Variants in CAPN8 observed in about 807,000 individuals in gnomAD.
The protein encoded by CAPN8 is calpain-8.
In CAPN8, 87 loss-of-function variants were observed where a neutral mutation model predicts 80.9. The observed-to-expected ratio is 1.07, with a 90% CI of 0.90 to 1.28. The LOEUF is 1.28. Ranked by LOEUF, CAPN8 falls within the 50% of genes most tolerant of loss-of-function variation. The pLI, the probability that CAPN8 is intolerant of heterozygous loss-of-function variation, is 0.00. For synonymous variants in CAPN8, 299 were observed against 273.8 expected, an observed-to-expected ratio of 1.09 and a Z score of -0.91; for missense variants, 757 against 702.0, an observed-to-expected ratio of 1.08 and a Z score of -0.89.
rs190025969 is a variant in CAPN8 at position 223,548,264 on chromosome 1, A to G, written c.1764+1054T>C. Among the ~76,000 whole-genome samples the G allele has an allele frequency of 2.0e-5, 3 of 152,222 alleles. No homozygotes were observed. The South Asian group carries it at 6.2e-4, about 32-fold the overall frequency. On this transcript the variant is annotated intron_variant, in intron 16 of 20. Coordinates refer to ENST00000366872, the MANE Select transcript of CAPN8 (RefSeq NM_001143962.2). ...AATCACCTTCACCATCAGCACTGTGATAAATGGCAACCTGGACCCACTGTG... is the reference window on the plus strand; with the variant it reads ...AATCACCTTCACCATCAGCACTGTGGTAAATGGCAACCTGGACCCACTGTG...
intron 2 of CAPN8, among the ~76,000 whole-genome samples, chr1:223,650,311 C>A (rs1186743864): frequency 6.6e-6 from 1 of 152,048 alleles, no homozygotes; most frequent in Non-Finnish European, 1.5e-5. Flanking sequence ...ATGGCCATGC[C>A]CCCTTCTTTT....
At chr1:223,557,498 C>T (rs1656931651) in intron 13 of CAPN8, among the ~76,000 whole-genome samples, 1 of 152,124 alleles carries the variant, frequency 6.6e-6, no homozygotes, top group Non-Finnish European at 1.5e-5. Context: ...CAGCAGCACC[C>T]AATATACCCA....
intron 2 of CAPN8, among the ~76,000 whole-genome samples, chr1:223,632,371 T>A (rs1657796965): frequency 6.6e-6 from 1 of 152,010 alleles, no homozygotes; most frequent in Non-Finnish European, 1.5e-5. Flanking sequence ...AGCATAGGTT[T>A]TGTTTTGTTT....
chr1:223,645,266 C>A (rs1052297208), intron 2 of CAPN8, among the ~76,000 whole-genome samples: 6 of 152,208 alleles, frequency 3.9e-5, no homozygotes, highest in Non-Finnish European at 8.8e-5. Context: ...CCTGGCCACG[C>A]TGGCAGCTGA....
At chr1:223,634,468 T>A (rs1305658400) in intron 2 of CAPN8, among the ~76,000 whole-genome samples, 5 of 152,320 alleles carry the variant, frequency 3.3e-5, no homozygotes, top group Middle Eastern at 3.4e-3. Context: ...TATACCCACG[T>A]GCCATCCTAG....
At chr1:223,542,635 G>T (rs1656499364) in intron 20 of CAPN8, among the ~76,000 whole-genome samples, 1 of 152,090 alleles carries the variant, frequency 6.6e-6, no homozygotes. Flanking sequence ...GTCGTACAGG[G>T]GTGCAGTGTC....
chr1:223,620,541 T>C (rs1657356265), intron 7 of CAPN8, among the ~76,000 whole-genome samples: 1 of 152,126 alleles, frequency 6.6e-6, no homozygotes, highest in African/African-American at 2.4e-5. Flanking sequence ...TTTTACTCTC[T>C]AGGGCAAATT....
intron 9 of CAPN8, chr1:223,617,962 G>A (rs1270436643): frequency 2.8e-6 from 1 of 359,408 alleles, no homozygotes; most frequent in East Asian, 4.4e-5. Context: ...GGGTTGGATG[G>A]GTGATGAAAG....
intron 15 of CAPN8, 62 bp from the exon 16 acceptor site, chr1:223,549,444 C>T: frequency 1.3e-6 from 2 of 1,548,980 alleles, no homozygotes; most frequent in East Asian, 2.4e-5. Flanking sequence ...GGGAAAGAAC[C>T]TCCACGGTAG....
In CAPN8 at chr1:223,544,187, AG is replaced by A; in HGVS notation, c.1913-5del. The A allele has an allele frequency of 1.4e-6, 1 of 717,780 alleles. No individual in the cohort carries two copies. The allele number at this position is 717,780 out of a possible 1,614,324, so 44.5% of individuals were successfully genotyped here. A position where few individuals can be genotyped will look rare whatever the true frequency, so the allele number is the denominator to read the frequency against. On this transcript the variant is annotated splice_region_variant and splice_polypyrimidine_tract_variant and intron_variant, in intron 18 of 20. Coordinates refer to ENST00000366872, the MANE Select transcript of CAPN8 (RefSeq NM_001143962.2). The stretch of plus-strand genomic sequence containing the variant: ...ACCTGGCTGTTGAGGGTGAAACCTG[AG>A]GGCAGAGGGAGCCTGGGTCACAGGT...
At chr1:223,551,098 C>T in intron 14 of CAPN8, 81 bp from the exon 15 acceptor site, 1 of 688,710 alleles carries the variant, frequency 1.5e-6, no homozygotes, top group Admixed American at 2.2e-5. Context: ...AGTGCTTCCT[C>T]ACAGTCAGAC....
At chr1:223,634,104 A>G (rs1657849504) in intron 2 of CAPN8, among the ~76,000 whole-genome samples, 1 of 152,228 alleles carries the variant, frequency 6.6e-6, no homozygotes, top group South Asian at 2.1e-4. Context: ...GCACTTACAC[A>G]GAAGATGAGA....
intron 1 of CAPN8, 123 bp downstream of exon 1, chr1:223,665,287 G>C: frequency 1.4e-6 from 1 of 727,244 alleles, no homozygotes. Flanking sequence ...GTGGTGGAGG[G>C]ATCTGAAATA....
intron 13 of CAPN8, among the ~76,000 whole-genome samples, chr1:223,557,877 G>T (rs1656941471): frequency 6.6e-6 from 1 of 152,174 alleles, no homozygotes; most frequent in African/African-American, 2.4e-5. Flanking sequence ...TCTATCTGTG[G>T]GTCCTGCTTA....
intron 2 of CAPN8, among the ~76,000 whole-genome samples, chr1:223,646,015 G>A (rs2102729363): frequency 6.6e-6 from 1 of 152,296 alleles, no homozygotes; most frequent in South Asian, 2.1e-4. Flanking sequence ...CTATGGGGGA[G>A]CACTGTGGGG....
chr1:223,551,282 A>G (rs1656780171), intron 14 of CAPN8, among the ~76,000 whole-genome samples: 2 of 152,160 alleles, frequency 1.3e-5, no homozygotes, highest in African/African-American at 4.8e-5. Flanking sequence ...AGCTGGGACT[A>G]CAGATGCGTG....
intron 6 of CAPN8, among the ~76,000 whole-genome samples, chr1:223,625,089 T>C (rs1406174078): frequency 2.0e-5 from 3 of 152,048 alleles, no homozygotes; most frequent in Non-Finnish European, 4.4e-5. Flanking sequence ...CGAGACTCCG[T>C]CTCAAAAAAT....
At chr1:223,623,282 T>A (rs61825179) in intron 6 of CAPN8, among the ~76,000 whole-genome samples, 30,084 of 152,180 alleles carry the variant, frequency 0.2, 3,130 homozygotes, top group East Asian at 0.3. Context: ...GAGCAGGTAC[T>A]ACAGATGAGG....
chr1:223,649,739 A>G (rs1357413873), intron 2 of CAPN8, among the ~76,000 whole-genome samples: 1 of 152,240 alleles, frequency 6.6e-6, no homozygotes, highest in Non-Finnish European at 1.5e-5. Flanking sequence ...GTGTTTTCAA[A>G]TGATTTAATA....
Sources: gnomAD v4.1 joint callset for allele counts (sites outside exome capture counted in the v4.1 genomes callset) on GRCh38, gnomAD v4.1.1 for gene constraint, MANE v1.5 for transcripts, NCBI Gene and HGNC (gene_info 2026-07-23, HGNC 2026-07-21) for gene names.